Variants in TMEM171 observed in about 807,000 individuals in gnomAD.
TMEM171 encodes the protein proline-rich protein PRP2.
Under a neutral mutation model 19.1 loss-of-function variants are expected in TMEM171, and 16 were observed. The ratio of observed to expected loss-of-function variants is 0.84; its 90% CI spans 0.57 to 1.27. The LOEUF (loss-of-function observed/expected upper bound fraction) is 1.27. TMEM171 is among the 50% of genes most tolerant of loss of function. The probability of loss-of-function intolerance (pLI) is 0.00; values close to 1 mark genes in which losing one functional copy is unlikely to be tolerated. For synonymous variants in TMEM171, 153 were observed against 163.4 expected (o/e 0.94, Z 0.48); for missense variants, 429 against 412.7 (o/e 1.04, Z -0.34).
intron 2 of TMEM171, among the ~76,000 whole-genome samples, chr5:73,125,631 G>A (rs374858286): frequency 4.8e-4 from 73 of 152,304 alleles, no homozygotes; most frequent in African/African-American, 1.6e-3. Context: ...GAGGAACACC[G>A]TGGGGTACAA....
chr5:73,121,558 A>G (rs992130179), intron 1 of TMEM171, among the ~76,000 whole-genome samples: 1 of 152,192 alleles, frequency 6.6e-6, no homozygotes. Context: ...CTTAATAAAA[A>G]ATGGGAAGAT....
In TMEM171 at chr5:73,120,615, C is replaced by G. The variant is rs1174918067; in HGVS notation, c.-150C>G. The G allele has an allele frequency of 9.1e-6, 9 of 984,942 alleles. No homozygotes were observed. In the South Asian group the frequency reaches 3.8e-4, roughly 41 times the overall value. The allele number at this position is 984,942 out of a possible 1,614,324, so 61.0% of individuals were successfully genotyped here. A position where few individuals can be genotyped will look rare whatever the true frequency, so the allele number is the denominator to read the frequency against. On this transcript the variant is annotated 5_prime_UTR_variant, in exon 1 of 4. Transcript: ENST00000454765. Reference sequence around the variant, plus strand: ...TAGGGTGCAGGGCGGCCGGCGCAGCCGAGGCCGCGTGCGGAGGCGGACGCC... The same window carrying G: ...TAGGGTGCAGGGCGGCCGGCGCAGCGGAGGCCGCGTGCGGAGGCGGACGCC...
intron 3 of TMEM171, among the ~76,000 whole-genome samples, chr5:73,131,123 C>A (rs932924914): frequency 6.6e-6 from 1 of 152,152 alleles, no homozygotes; most frequent in East Asian, 1.9e-4. Context: ...TGCCTTCCTG[C>A]CGTCCTTCAG....
Position 73,128,392 on chromosome 5 carries a change from G to A in TMEM171, c.643G>A (p.Asp215Asn), listed in dbSNP as rs1744237482. The change falls in exon 3 of 4, where the codon GAC becomes AAC. Residue 215 changes from aspartate (D) to asparagine (N), a missense_variant and splice_region_variant. Asp to Asn is a conservative substitution (Grantham distance 23). Coordinates refer to ENST00000454765, the MANE Select transcript of TMEM171 (RefSeq NM_173490.8). ...AACTAAATATTGTTTTGCCTTAGGT[G>A]ACTCGGTAATAATATTTCCACCCCC... ...IMEPVQVTVG[D>N]SVIIFPPPPP... The A allele has an allele frequency of 1.9e-6, 3 of 1,614,038 alleles. No homozygotes were observed. The highest frequency in any genetic ancestry group is 2.5e-6 in the Non-Finnish European group (3 of 1,179,978).
At chr5:73,127,384 A>AAAAATATATATATATATATATATATATAT in intron 2 of TMEM171, among the ~76,000 whole-genome samples, 19 of 81,672 alleles carry the variant, frequency 2.3e-4, no homozygotes, top group African/African-American at 7.2e-4. Context: ...AAAAAAAAAA[A>AAAAATATATATATATATATATATATATAT]ATATATATAT....
intron 3 of TMEM171, among the ~76,000 whole-genome samples, chr5:73,130,119 A>T (rs114299236): frequency 2.6e-5 from 4 of 152,060 alleles, no homozygotes. Context: ...TGGGCGGCTG[A>T]TGGTGGCGGT....
At chr5:73,130,660 A>ATCT (rs1259529951) in intron 3 of TMEM171, among the ~76,000 whole-genome samples, 1 of 151,934 alleles carries the variant, frequency 6.6e-6, no homozygotes, top group Admixed American at 6.6e-5. Flanking sequence ...ATCTGATGGG[A>ATCT]GAGGGAAAGA....
At position 73,123,673 on chromosome 5, in the gene TMEM171, C is replaced by G. The variant is rs1390171725; in HGVS notation, c.300C>G (p.Ala100=). ...GTCAGCAGATGGACCCCGACCGAGC[C>G]TTCATCTGTGGAGAGAGCCGCCAGT... is the stretch of plus-strand genomic sequence containing the variant. ...QRGQQMDPDR[A]FICGESRQFA... The change falls in exon 2 of 4, where the codon GCC becomes GCG. Residue 100 remains alanine (A), a synonymous_variant. Coordinates refer to ENST00000454765, the MANE Select transcript of TMEM171 (RefSeq NM_173490.8). The G allele has an allele frequency of 6.2e-6, 10 of 1,614,248 alleles. No individual in the cohort carries two copies. Among genetic ancestry groups the G allele is most frequent in the Middle Eastern group, 1.6e-4 (1 of 6,062 alleles).
Position 73,123,414 on chromosome 5 carries a change from AG to A in TMEM171, c.43del (p.Asp15ThrfsTer60), listed in dbSNP as rs760293656. ...AAAAEPDGDQ[Q>X]DRHVSKLIFC... is the part of the protein sequence containing the mutation. ...GCTGCTGAGCCAGATGGGGACCAGC[AG>A]GACAGACACGTCAGCAAACTCATCT... On this transcript the variant is annotated frameshift_variant, in exon 2 of 4. Transcript: ENST00000454765. LOFTEE classifies it high-confidence loss of function. 3 of 1,614,170 alleles carry A rather than the reference AG, an allele frequency of 1.9e-6. No homozygotes were observed. Among genetic ancestry groups the A allele is most frequent in the Non-Finnish European group, 2.5e-6 (3 of 1,180,002 alleles).
At position 73,123,610 on chromosome 5, in the gene TMEM171, C is replaced by T. The variant is rs1744067228; in HGVS notation, c.237C>T (p.Ser79=). 3.7e-6 allele frequency: 6 copies of T among 1,614,196 alleles called. No individual in the cohort carries two copies. Among genetic ancestry groups the T allele is most frequent in the Non-Finnish European group, 5.1e-6 (6 of 1,179,996 alleles). ...VGLGAVILAR[S]RAQLQLRAGL... ...TTGGGGCTGTGATCCTGGCCCGCTC[C>T]CGGGCGCAACTTCAGCTCCGTGCAG... The change falls in exon 2 of 4, where the codon TCC becomes TCT. Residue 79 remains serine, a synonymous_variant. Transcript: ENST00000454765.
intron 1 of TMEM171, 108 bp from the exon 2 acceptor site, chr5:73,123,198 A>AT: frequency 1.1e-6 from 1 of 907,234 alleles, no homozygotes; most frequent in East Asian, 2.7e-5. Context: ...ATAAAGTTCT[A>AT]CCCCCAAGGC....
chr5:73,127,384 A>AAAAAAATATATATATATATATAT, intron 2 of TMEM171, among the ~76,000 whole-genome samples: 2 of 81,684 alleles, frequency 2.4e-5, no homozygotes, highest in Admixed American at 1.1e-4. Context: ...AAAAAAAAAA[A>AAAAAAATATATATATATATATAT]ATATATATAT....
chr5:73,131,355 G>A (rs1466635272), intron 3 of TMEM171, among the ~76,000 whole-genome samples, 183 bp from the exon 4 acceptor site: 3 of 152,018 alleles, frequency 2.0e-5, no homozygotes, highest in Admixed American at 1.3e-4. Context: ...CTCAGCTCTA[G>A]GAAAAGGAAG....
At chr5:73,128,628 T>C (rs771330221) in intron 3 of TMEM171, 97 bp downstream of exon 3, 2 of 1,466,152 alleles carry the variant, frequency 1.4e-6, no homozygotes, top group Non-Finnish European at 1.9e-6. Flanking sequence ...AGTGTGAGTA[T>C]CTTTTTTGCT....
At chr5:73,127,096 T>C (rs1744180832) in intron 2 of TMEM171, among the ~76,000 whole-genome samples, 1 of 152,134 alleles carries the variant, frequency 6.6e-6, no homozygotes, top group Non-Finnish European at 1.5e-5. Context: ...GGGGCTGTAA[T>C]ATGGCTTACT....
intron 2 of TMEM171, among the ~76,000 whole-genome samples, chr5:73,127,384 A>AAAAAAAAAAAAATATATATAT: frequency 2.4e-5 from 2 of 81,694 alleles, no homozygotes; most frequent in Admixed American, 1.1e-4. Context: ...AAAAAAAAAA[A>AAAAAAAAAAAAATATATATAT]ATATATATAT....
rs1743981166 is a variant in TMEM171 at position 73,120,687 on chromosome 5, C to T, written c.-78C>T. ...CAGCGCGGTCAGCCAGGCGCCGGAC[C>T]CAGCTTCAGGTAAGCTGCCCCGGCC... On this transcript the variant is annotated 5_prime_UTR_variant, in exon 1 of 4. Coordinates refer to ENST00000454765, the MANE Select transcript of TMEM171 (RefSeq NM_173490.8). 1.0e-6 allele frequency: 1 copy of T among 984,088 alleles called. No homozygotes were observed. Among genetic ancestry groups the T allele is most frequent in the African/African-American group, 1.8e-5 (1 of 57,080 alleles). 61.0% of individuals were successfully genotyped at this position (984,088 alleles called of 1,614,324 possible). A position where few individuals can be genotyped will look rare whatever the true frequency, so the allele number is the denominator to read the frequency against.
At position 73,131,783 on chromosome 5, in the gene TMEM171, T is replaced by A; in HGVS notation, c.*53T>A. On this transcript the variant is annotated 3_prime_UTR_variant, in exon 4 of 4. Transcript: ENST00000454765. ...GCAATGGATCACTATTTTATTTAAT[T>A]TTTTTTAAATAAAAAATACAATAGC... is the stretch of plus-strand genomic sequence containing the variant. 7.0e-7 allele frequency: 1 copy of A among 1,436,774 alleles called. No homozygotes were observed. Among genetic ancestry groups the A allele is most frequent in the East Asian group, 2.4e-5 (1 of 41,110 alleles). 89.0% of individuals were successfully genotyped at this position (1,436,774 alleles called of 1,614,324 possible).
chr5:73,129,756 G>A (rs1744284101), intron 3 of TMEM171, among the ~76,000 whole-genome samples: 1 of 152,214 alleles, frequency 6.6e-6, no homozygotes, highest in African/African-American at 2.4e-5. Flanking sequence ...GGGTCTCAGG[G>A]GATCCCCAAC....
Sources: gnomAD v4.1 joint callset for allele counts (sites outside exome capture counted in the v4.1 genomes callset) on GRCh38, gnomAD v4.1.1 for gene constraint, MANE v1.5 for transcripts, NCBI Gene and HGNC (gene_info 2026-07-23, HGNC 2026-07-21) for gene names.